Variants in ZFYVE26 observed in about 807,000 individuals in gnomAD.
The protein encoded by ZFYVE26 is zinc finger FYVE-type containing 26.
A neutral mutation model predicts 276.5 loss-of-function variants in ZFYVE26; 181 were observed. That is an observed-to-expected ratio of 0.65 (90% CI 0.58 to 0.74). ZFYVE26 has a LOEUF of 0.74. Ranked by LOEUF, ZFYVE26 falls within the 30% of genes least tolerant of loss-of-function variation. The probability of loss-of-function intolerance (pLI) is 0.00; values close to 1 mark genes in which losing one functional copy is unlikely to be tolerated. For synonymous variants in ZFYVE26, 1,129 were observed against 1,203.1 expected (o/e 0.94, Z 1.27); for missense variants, 2,821 against 3,097.9 (o/e 0.91, Z 2.12).
At position 67,784,431 on chromosome 14, in the gene ZFYVE26, C is replaced by T. The variant is rs1230213036; in HGVS notation, c.3529G>A (p.Val1177Met). 3.7e-6 allele frequency: 6 copies of T among 1,614,010 alleles called. No homozygotes were observed. In the South Asian group the frequency reaches 6.6e-5, roughly 18 times the overall value. ...LQSLSSEPDH[V>M]EVKVGNPFVL... ...AAGGGATTTCCTACCTTGACCTCCA[C>T]ATGATCTGCAAAGGTAAAGAACATG... Residue 1177 changes from valine to methionine, a missense_variant, in exon 20 of 42, where the codon GTG becomes ATG. Val to Met is a conservative substitution (Grantham distance 21, BLOSUM62 1). Coordinates refer to ENST00000347230, the MANE Select transcript of ZFYVE26 (RefSeq NM_015346.4).
chr14:67,761,478 T>C lies in ZFYVE26; in HGVS notation c.6476A>G (p.Tyr2159Cys), dbSNP rs1160414697. The change falls in exon 35 of 42, where the codon TAC (tyrosine) becomes TGC (cysteine). Residue 2159 changes from tyrosine (Y) to cysteine (C), a missense_variant. Transcript: ENST00000347230. ...IPEGKIMNNT[Y>C]YQECLFYLHN... ...CAGGTAGAAGAGGCATTCCTGGTAG[T>C]AGGTGTTGTTCATGATTTTCCCTTC... is the stretch of plus-strand genomic sequence containing the variant. The C allele has an allele frequency of 1.2e-6, 2 of 1,614,172 alleles. No individual in the cohort carries two copies. The highest frequency in any genetic ancestry group is 1.7e-6 in the Non-Finnish European group (2 of 1,180,036).
chr14:67,731,230 T>TC (rs2038269492), intron 13 of ZFYVE26, among the ~76,000 whole-genome samples: 1 of 138,742 alleles, frequency 7.2e-6, no homozygotes, highest in Admixed American at 7.4e-5. Context: ...TTTTTTTTTT[T>TC]TGGAGACATA....
downstream of ZFYVE26, among the ~76,000 whole-genome samples, chr14:67,742,838 C>CTTCTTCT (rs769663149): frequency 2.2e-5 from 2 of 89,768 alleles, no homozygotes; most frequent in Non-Finnish European, 4.0e-5. Context: ...TCTTCTTCTT[C>CTTCTTCT]TTTTTTTTTT....
intron 23 of ZFYVE26, among the ~76,000 whole-genome samples, chr14:67,779,470 G>A (rs1271858687): frequency 6.6e-6 from 1 of 152,150 alleles, no homozygotes; most frequent in Non-Finnish European, 1.5e-5. Context: ...CCTGAGGCAG[G>A]AGAATCATCT....
chr14:67,779,006 T>G (rs2874132), intron 23 of ZFYVE26, among the ~76,000 whole-genome samples: 103,000 of 152,116 alleles, frequency 0.68, 35,327 homozygotes, highest in East Asian at 0.98. Flanking sequence ...CCAGGGCAAG[T>G]ACAGCTTAAT....
intron 25 of ZFYVE26, 76 bp from the exon 26 acceptor site, chr14:67,776,182 A>G: frequency 1.9e-6 from 3 of 1,599,100 alleles, no homozygotes; most frequent in Non-Finnish European, 2.6e-6. Flanking sequence ...TCTCACTGGG[A>G]AGGGGAAGGG....
At chr14:67,770,955 A>G (rs1359154979) in intron 28 of ZFYVE26, among the ~76,000 whole-genome samples, 1 of 25,540 alleles carries the variant, frequency 3.9e-5, no homozygotes, top group Non-Finnish European at 1.1e-4. Flanking sequence ...TGCTTTCCTA[A>G]TATCTTTTTT....
At chr14:67,786,915 T>C (rs1025502538) in intron 16 of ZFYVE26, among the ~76,000 whole-genome samples, 18 of 152,228 alleles carry the variant, frequency 1.2e-4, no homozygotes, top group South Asian at 6.2e-4. Context: ...AAGATCATTA[T>C]GTTAAGTGAA....
chr14:67,755,829 G>T, intron 36 of ZFYVE26, 119 bp downstream of exon 36: 1 of 1,237,842 alleles, frequency 8.1e-7, no homozygotes, highest in Non-Finnish European at 1.2e-6. Context: ...TTGCTCTAGG[G>T]TCAGCCAAAC....
intron 20 of ZFYVE26, among the ~76,000 whole-genome samples, chr14:67,784,091 C>T (rs1471988147): frequency 6.6e-6 from 1 of 152,056 alleles, no homozygotes; most frequent in Non-Finnish European, 1.5e-5. Context: ...AGATTTTTGC[C>T]TATTTATAAA....
chr14:67,733,854 G>C, intron 13 of ZFYVE26: 3 of 1,600,466 alleles, frequency 1.9e-6, no homozygotes, highest in Non-Finnish European at 2.6e-6. Context: ...AGTAGCTGGT[G>C]GAAGAGCTGC....
At chr14:67,743,780 G>C (rs1021308456), downstream of ZFYVE26, among the ~76,000 whole-genome samples, 1 of 152,084 alleles carries the variant, frequency 6.6e-6, no homozygotes, top group African/African-American at 2.4e-5. Flanking sequence ...TGTCAAGAGG[G>C]AATAGCTAGA....
At chr14:67,793,848 C>A in intron 13 of ZFYVE26, 89 bp from the exon 14 acceptor site, 2 of 1,552,708 alleles carry the variant, frequency 1.3e-6, no homozygotes, top group Non-Finnish European at 1.8e-6. Flanking sequence ...AAACTTTTAT[C>A]TCCTCAATGT....
chr14:67,761,719 A>G, intron 34 of ZFYVE26, 135 bp from the exon 35 acceptor site: 1 of 737,954 alleles, frequency 1.4e-6, no homozygotes, highest in Non-Finnish European at 2.4e-6. Flanking sequence ...ACAAACCTGC[A>G]CGTTGTGCAC....
chr14:67,785,320 G>T, intron 18 of ZFYVE26, 43 bp from the exon 19 acceptor site: 1 of 1,535,540 alleles, frequency 6.5e-7, no homozygotes, highest in Non-Finnish European at 8.8e-7. Flanking sequence ...GCTTCAGTCT[G>T]TGAGTCCAGC....
intron 32 of ZFYVE26, among the ~76,000 whole-genome samples, chr14:67,764,893 A>G (rs2039018848): frequency 6.6e-6 from 1 of 152,196 alleles, no homozygotes; most frequent in Non-Finnish European, 1.5e-5. Context: ...GAAATACAGG[A>G]CTTGATGTGA....
At chr14:67,813,545 G>T (rs972184608) in intron 3 of ZFYVE26, among the ~76,000 whole-genome samples, 13 of 151,496 alleles carry the variant, frequency 8.6e-5, no homozygotes, top group Non-Finnish European at 1.8e-4. Flanking sequence ...TTCAATTCAT[G>T]TGAATTATTA....
intron 34 of ZFYVE26, 45 bp downstream of exon 34, chr14:67,762,158 G>C: frequency 6.3e-7 from 1 of 1,588,202 alleles, no homozygotes; most frequent in Non-Finnish European, 8.6e-7. Flanking sequence ...TGCTATTCCT[G>C]GGTCTCCCTC....
chr14:67,737,759 C>T (rs1170770018), intron 13 of ZFYVE26, among the ~76,000 whole-genome samples: 5 of 152,146 alleles, frequency 3.3e-5, no homozygotes, highest in Admixed American at 6.5e-5. Flanking sequence ...CTTGGGGTCT[C>T]GCTTTATTGC....
Sources: allele counts gnomAD v4.1 joint callset (sites outside exome capture counted in the v4.1 genomes callset), GRCh38; gene constraint gnomAD v4.1.1; transcripts MANE v1.5; gene names NCBI Gene and HGNC (gene_info 2026-07-23, HGNC 2026-07-21).